P2RY8: variants seen among roughly 807,000 people sequenced by gnomAD.
The protein encoded by P2RY8 is S-geranylgeranyl-glutathione receptor P2RY8.
In P2RY8, 6 loss-of-function variants were observed where a neutral mutation model predicts 10.0. The observed-to-expected ratio is 0.60, with a 90% CI of 0.33 to 1.19. The LOEUF (loss-of-function observed/expected upper bound fraction) is 1.19, where lower values mean the gene tolerates loss of function less well. Among genes scored for constraint, P2RY8 ranks in the 50% most tolerant of loss-of-function variants. The pLI is 0.04. For synonymous variants in P2RY8, 276 were observed against 252.5 expected, an observed-to-expected ratio of 1.09 and a Z score of -0.88; for missense variants, 456 against 542.0, an observed-to-expected ratio of 0.84 and a Z score of 1.58.
chrX:1,468,568 C>T (rs1335460775), intron 1 of P2RY8, among the ~76,000 whole-genome samples: 2 of 152,128 alleles, frequency 1.3e-5, no homozygotes, highest in Admixed American at 6.5e-5. Flanking sequence ...CGCCGGGGCT[C>T]AGCGGGCAGG....
chrX:1,515,279 C>T (rs2092337486), intron 1 of P2RY8, among the ~76,000 whole-genome samples: 1 of 151,590 alleles, frequency 6.6e-6, no homozygotes, highest in Non-Finnish European at 1.5e-5. Context: ...GATAGAATTC[C>T]TACAGCATGC....
intron 1 of P2RY8, among the ~76,000 whole-genome samples, chrX:1,469,649 T>C (rs2091757338): frequency 1.3e-5 from 2 of 151,862 alleles, no homozygotes; most frequent in Non-Finnish European, 2.9e-5. Context: ...CCCAGCACTT[T>C]GGAAGGCCGA....
At chrX:1,479,077 A>G (rs2091908273) in intron 1 of P2RY8, among the ~76,000 whole-genome samples, 1 of 152,202 alleles carries the variant, frequency 6.6e-6, no homozygotes, top group Non-Finnish European at 1.5e-5. Flanking sequence ...TAGATCTTCC[A>G]ATTACAGAAC....
At chrX:1,507,760 T>C (rs369929240) in intron 1 of P2RY8, among the ~76,000 whole-genome samples, 34 of 152,260 alleles carry the variant, frequency 2.2e-4, no homozygotes, top group African/African-American at 7.0e-4. Context: ...CTGGGTACAC[T>C]ACCCCTGTGG....
intron 1 of P2RY8, among the ~76,000 whole-genome samples, chrX:1,530,716 CTATT>C (rs2092468655): frequency 6.6e-6 from 1 of 150,914 alleles, no homozygotes; most frequent in Non-Finnish European, 1.5e-5. Flanking sequence ...TCTATCTAAT[CTATT>C]TATCCATGTA....
chrX:1,530,311 G>C (rs867670170), intron 1 of P2RY8, among the ~76,000 whole-genome samples: 1 of 135,762 alleles, frequency 7.4e-6, no homozygotes, highest in African/African-American at 2.7e-5. Flanking sequence ...CTATCTATCT[G>C]TCATCTATCT....
chrX:1,535,302 C>T (rs2092515889), intron 1 of P2RY8, among the ~76,000 whole-genome samples: 1 of 144,662 alleles, frequency 6.9e-6, no homozygotes, highest in Non-Finnish European at 1.5e-5. Context: ...ATTCTGCTGC[C>T]TTAGCGTGCC....
intron 1 of P2RY8, among the ~76,000 whole-genome samples, chrX:1,515,475 G>A (rs1257824468): frequency 6.6e-6 from 1 of 150,914 alleles, no homozygotes; most frequent in African/African-American, 2.4e-5. Context: ...AGGTTCAAGC[G>A]ATTCCCCTGC....
intron 1 of P2RY8, among the ~76,000 whole-genome samples, chrX:1,514,676 T>C (rs376134846): frequency 0.86 from 1,934 of 2,248 alleles, 919 homozygotes; most frequent in East Asian, 0.95. Flanking sequence ...CTTCCCTTCC[T>C]TTCCCTTCCC....
chrX:1,463,110 A>T lies in P2RY8; in HGVS notation c.*2369T>A. 4.3e-6 allele frequency: 1 copy of T among 233,128 alleles called. No homozygotes were observed. Among genetic ancestry groups the T allele is most frequent in the Non-Finnish European group, 8.5e-6 (1 of 118,004 alleles). 14.4% of individuals were successfully genotyped at this position (233,128 alleles called of 1,614,324 possible). A position where few individuals can be genotyped will look rare whatever the true frequency, so the allele number is the denominator to read the frequency against. On this transcript the variant is annotated 3_prime_UTR_variant, in exon 2 of 2. Transcript: ENST00000381297. ...GACTCAAGCTCTCATTTTTGTTTAC[A>T]AGGCAGTTTAGGGATCGTCCGTGCG...
intron 1 of P2RY8, among the ~76,000 whole-genome samples, chrX:1,533,250 A>G (rs1405545839): frequency 6.7e-6 from 1 of 150,292 alleles, no homozygotes; most frequent in East Asian, 1.9e-4. Flanking sequence ...AAAGTGTAAA[A>G]CAAACCAACA....
At chrX:1,492,819 T>C (rs1387055633) in intron 1 of P2RY8, among the ~76,000 whole-genome samples, 1 of 151,966 alleles carries the variant, frequency 6.6e-6, no homozygotes, top group African/African-American at 2.4e-5. Context: ...GACATGGTTG[T>C]TTCAAAGGCA....
At chrX:1,495,947 G>T (rs1477965630) in intron 1 of P2RY8, among the ~76,000 whole-genome samples, 1 of 150,560 alleles carries the variant, frequency 6.6e-6, no homozygotes, top group Non-Finnish European at 1.5e-5. Context: ...AGGACACAGG[G>T]AGAAGTCGAT....
intron 1 of P2RY8, among the ~76,000 whole-genome samples, chrX:1,508,604 C>T (rs1398565475): frequency 3.3e-5 from 3 of 91,126 alleles, no homozygotes; most frequent in African/African-American, 5.5e-5. Context: ...GTCTAGCCAT[C>T]TATCTATCTA....
At chrX:1,494,016 G>C (rs1225968715) in intron 1 of P2RY8, 1 of 152,304 alleles carries the variant, frequency 6.6e-6, no homozygotes, top group Admixed American at 6.5e-5. Flanking sequence ...TCTCTGGCCT[G>C]GATATGCCCT....
chrX:1,469,550 G>A (rs1359632113), intron 1 of P2RY8, among the ~76,000 whole-genome samples: 5 of 152,010 alleles, frequency 3.3e-5, no homozygotes, highest in Non-Finnish European at 5.9e-5. Flanking sequence ...CTCTCCTCTT[G>A]AGGGTCTGTG....
intron 1 of P2RY8, among the ~76,000 whole-genome samples, chrX:1,479,857 T>C (rs190874105): frequency 6.6e-6 from 1 of 152,064 alleles, no homozygotes; most frequent in Admixed American, 6.5e-5. Flanking sequence ...AAAGAAATAT[T>C]ATAAACAATT....
chrX:1,466,490 C>T lies in P2RY8; in HGVS notation c.69G>A (p.Ala23=). The T allele has an allele frequency of 6.2e-7, 1 of 1,611,388 alleles. No homozygotes were observed. Among genetic ancestry groups the T allele is most frequent in the Non-Finnish European group, 8.5e-7 (1 of 1,179,728 alleles). ...TLQMLRNPAI[A]VALPVVYSLV... ...GCGAGTACACCACGGGCAGGGCCAC[C>T]GCGATCGCCGGGTTCCGCAGCATCT... Residue 23 remains alanine, a synonymous_variant, in exon 2 of 2, where the codon GCG becomes GCA. Transcript: ENST00000381297.
At chrX:1,512,027 C>T (rs1394234030) in intron 1 of P2RY8, among the ~76,000 whole-genome samples, 2 of 152,118 alleles carry the variant, frequency 1.3e-5, no homozygotes, top group East Asian at 1.9e-4. Context: ...GTCCAGGGCT[C>T]ATCACACCAG....
Sources: gnomAD v4.1 joint callset for allele counts (sites outside exome capture counted in the v4.1 genomes callset) on GRCh38, gnomAD v4.1.1 for gene constraint, MANE v1.5 for transcripts, NCBI Gene and HGNC (gene_info 2026-07-23, HGNC 2026-07-21) for gene names.